ST18: variants seen among roughly 807,000 people sequenced by gnomAD.
ST18 encodes suppression of tumorigenicity 18 protein.
ST18 carries 50 observed loss-of-function variants against 110.0 expected under a neutral mutation model. The ratio of observed to expected loss-of-function variants is 0.45; its 90% CI spans 0.36 to 0.58. The LOEUF is 0.58. Among genes scored for constraint, ST18 ranks in the 20% least tolerant of loss-of-function variants. The pLI, the probability that ST18 is intolerant of heterozygous loss-of-function variation, is 0.00. For synonymous variants in ST18, 461 were observed against 452.4 expected (o/e 1.02, Z -0.24); for missense variants, 1,306 against 1,280.1 (o/e 1.02, Z -0.31).
chr8:52,225,487 C>T (rs1327831503), intron 3 of ST18, among the ~76,000 whole-genome samples: 1 of 152,150 alleles, frequency 6.6e-6, no homozygotes, highest in Non-Finnish European at 1.5e-5. Context: ...GTTTCTTCTC[C>T]TTATTTATTA....
At chr8:52,263,610 G>GTT (rs58618036) in intron 2 of ST18, among the ~76,000 whole-genome samples, 29,223 of 127,974 alleles carry the variant, frequency 0.23, 3,513 homozygotes, top group Middle Eastern at 0.4. Context: ...TTTTTGTTTT[G>GTT]TTTTTTTTTT....
At chr8:52,219,014 T>C (rs4537316) in intron 5 of ST18, among the ~76,000 whole-genome samples, 17,636 of 152,202 alleles carry the variant, frequency 0.12, 1,383 homozygotes, top group Middle Eastern at 0.21. Context: ...AAGTTGGAAA[T>C]GGCTAGGCCC....
chr8:52,311,969 A>G (rs2095923045), intron 2 of ST18, among the ~76,000 whole-genome samples: 1 of 152,250 alleles, frequency 6.6e-6, no homozygotes, highest in Admixed American at 6.5e-5. Flanking sequence ...AAACTTGCAG[A>G]AATAATATCT....
chr8:52,320,554 C>A (rs1273982634), intron 2 of ST18, among the ~76,000 whole-genome samples: 1 of 152,154 alleles, frequency 6.6e-6, no homozygotes, highest in African/African-American at 2.4e-5. Context: ...AAGGGTGAGA[C>A]AAGTCTATTC....
At chr8:52,287,887 G>C (rs1041874661) in intron 2 of ST18, among the ~76,000 whole-genome samples, 1 of 152,164 alleles carries the variant, frequency 6.6e-6, no homozygotes, top group African/African-American at 2.4e-5. Context: ...GCTTCTGAGG[G>C]CTTCAAACAA....
At chr8:52,161,258 C>T in intron 14 of ST18, 117 bp downstream of exon 14, 1 of 984,234 alleles carries the variant, frequency 1.0e-6, no homozygotes, top group East Asian at 2.6e-5. Flanking sequence ...ATTTTCTCTC[C>T]TGCCAGCTGT....
chr8:52,370,354 G>A (rs1829803223), intron 2 of ST18, among the ~76,000 whole-genome samples: 1 of 152,164 alleles, frequency 6.6e-6, no homozygotes, highest in South Asian at 2.1e-4. Flanking sequence ...GCAGGCACAT[G>A]TGTGCATGTG....
intron 8 of ST18, among the ~76,000 whole-genome samples, chr8:52,182,936 G>T (rs1232152390): frequency 6.6e-6 from 1 of 152,166 alleles, no homozygotes; most frequent in Non-Finnish European, 1.5e-5. Flanking sequence ...GACGACTGCG[G>T]TGATGAATGG....
chr8:52,377,209 T>A (rs1203043751), intron 2 of ST18, among the ~76,000 whole-genome samples: 7 of 152,162 alleles, frequency 4.6e-5, no homozygotes, highest in Admixed American at 1.3e-4. Context: ...AATAATTATA[T>A]TACCTAAATG....
intron 2 of ST18, among the ~76,000 whole-genome samples, chr8:52,276,081 T>C (rs76422582): frequency 0.19 from 2,048 of 10,784 alleles, no homozygotes; most frequent in East Asian, 0.22. Flanking sequence ...ATCACACATG[T>C]AAGCCACACA....
At position 52,288,426 on chromosome 8, in the gene ST18, C is replaced by G. The variant is rs532983341; in HGVS notation, c.-464-58349G>C. Reference sequence around the variant, plus strand: ...CTATTAAGAGTATTAATAGGCTGGGCATAGTACTCATGCGTATAATCCCAG... The same window carrying G: ...CTATTAAGAGTATTAATAGGCTGGGGATAGTACTCATGCGTATAATCCCAG... On this transcript the variant is annotated intron_variant, in intron 2 of 25. Transcript: ENST00000689386. Among the ~76,000 whole-genome samples, 4 of 152,214 alleles carry G rather than the reference C, an allele frequency of 2.6e-5. 1 individual carries two copies. Among genetic ancestry groups the G allele is most frequent in the Non-Finnish European group, 5.9e-5 (4 of 68,006 alleles).
chr8:52,409,675 T>C lies in ST18; in HGVS notation c.-717A>G, dbSNP rs769779877. On this transcript the variant is annotated 5_prime_UTR_variant, in exon 1 of 26. Coordinates refer to ENST00000689386, the MANE Select transcript of ST18 (RefSeq NM_001352837.2). ...CACAGTTACCTCAATTATTTTTCTC[T>C]CCTTACCTCTAGTATTCCCCTGAGG... 7.2e-5 allele frequency: 11 copies of C among 152,220 alleles called. No homozygotes were observed. The highest frequency in any genetic ancestry group is 2.6e-4 in the Admixed American group (4 of 15,290). The allele number at this position is 152,220 out of a possible 1,614,324, so 9.4% of individuals were successfully genotyped here. A position where few individuals can be genotyped will look rare whatever the true frequency, so the allele number is the denominator to read the frequency against.
At position 52,165,131 on chromosome 8, in the gene ST18, T is replaced by A. The variant is rs1408635490; in HGVS notation, c.1295+4A>T. ...CAAAATGATTATCATCTAATGAGAA[T>A]TACCTCCTGTGGGTGTTGCGGTTGC... is the stretch of plus-strand genomic sequence containing the variant. On this transcript the variant is annotated splice_donor_region_variant and intron_variant, in intron 12 of 25. Coordinates refer to ENST00000689386, the MANE Select transcript of ST18 (RefSeq NM_001352837.2). 6.2e-7 allele frequency: 1 copy of A among 1,614,116 alleles called. No individual in the cohort carries two copies. The highest frequency in any genetic ancestry group is 2.2e-5 in the East Asian group (1 of 44,886).
intron 2 of ST18, among the ~76,000 whole-genome samples, chr8:52,324,301 TGATGGATGGATGGATG>T (rs201977608): frequency 3.2e-4 from 48 of 150,830 alleles, no homozygotes; most frequent in Admixed American, 6.6e-4. Context: ...GGTTGATAGA[TGATGGATGGATGGATG>T]GATGGATGGA....
rs775641499 is a variant in ST18 at position 52,158,968 on chromosome 8, A to C, written c.1736T>G (p.Leu579Arg). 6.2e-7 allele frequency: 1 copy of C among 1,614,060 alleles called. No individual in the cohort carries two copies. Among genetic ancestry groups the C allele is most frequent in the East Asian group, 2.2e-5 (1 of 44,878 alleles). Residue 579 changes from leucine to arginine, a missense_variant, in exon 15 of 26, where the codon CTG becomes CGG. Leu to Arg is a moderately radical substitution (Grantham distance 102, BLOSUM62 -2). Transcript: ENST00000689386. ...TTCCCTGCAGCGGGTGGAAAGGTTC[A>C]GGATGGCAGCAGCTGCTGCTATGTG... Reference protein sequence around the residue: ...DTHIAAAAAILNLSTRCREAT... With the variant: ...DTHIAAAAAIRNLSTRCREAT...
intron 2 of ST18, among the ~76,000 whole-genome samples, chr8:52,274,129 C>A (rs1431551330): frequency 6.6e-6 from 1 of 152,000 alleles, no homozygotes; most frequent in Non-Finnish European, 1.5e-5. Flanking sequence ...GAAGAACAGG[C>A]CAACTGTTAA....
rs1411243333 is a variant in ST18, at chr8:52,116,157, CA to C, written c.3003+117del. On this transcript the variant is annotated intron_variant, in intron 25 of 25. Coordinates refer to ENST00000689386, the MANE Select transcript of ST18 (RefSeq NM_001352837.2). ...AAGCCAGACTGTGATGAAGTGTGGT[CA>C]CTCTGTGACTGCTCACAGGTCTCCT... 7.3e-6 allele frequency: 8 copies of C among 1,090,196 alleles called. No individual in the cohort carries two copies. The East Asian group carries it at 1.0e-4, about 14-fold the overall frequency. 67.5% of individuals were successfully genotyped at this position (1,090,196 alleles called of 1,614,324 possible).
intron 10 of ST18, among the ~76,000 whole-genome samples, chr8:52,170,084 T>G (rs1342724364): frequency 6.6e-6 from 1 of 152,226 alleles, no homozygotes; most frequent in Non-Finnish European, 1.5e-5. Context: ...GTATCATCAA[T>G]TGTTTAACAA....
At chr8:52,240,663 C>T (rs1029787867) in intron 2 of ST18, among the ~76,000 whole-genome samples, 2 of 152,156 alleles carry the variant, frequency 1.3e-5, no homozygotes, top group Non-Finnish European at 2.9e-5. Flanking sequence ...ATATTACTAT[C>T]TCTGTTTTTC....
Sources: allele counts gnomAD v4.1 joint callset (sites outside exome capture counted in the v4.1 genomes callset), GRCh38; gene constraint gnomAD v4.1.1; transcripts MANE v1.5; gene names NCBI Gene and HGNC (gene_info 2026-07-23, HGNC 2026-07-21).